The following FCMR variants were observed in gnomAD, a reference collection of about 807,000 sequenced individuals.
The protein encoded by FCMR is Fc mu receptor.
A neutral mutation model predicts 41.6 loss-of-function variants in FCMR; 34 were observed. The observed-to-expected ratio is 0.82, with a 90% CI of 0.62 to 1.09. The LOEUF (loss-of-function observed/expected upper bound fraction) is 1.09. Ranked by LOEUF, FCMR falls within the 50% of genes least tolerant of loss-of-function variation. The probability of loss-of-function intolerance (pLI) is 0.00; values close to 1 mark genes in which losing one functional copy is unlikely to be tolerated. For synonymous variants in FCMR, 209 were observed against 211.8 expected, an observed-to-expected ratio of 0.99 and a Z score of 0.12; for missense variants, 496 against 512.5, an observed-to-expected ratio of 0.97 and a Z score of 0.31.
intron 7 of FCMR, 142 bp from the exon 8 acceptor site, chr1:206,905,289 A>G: frequency 1.1e-6 from 1 of 883,178 alleles, no homozygotes; most frequent in Non-Finnish European, 1.7e-6. Flanking sequence ...GCTCAGCTCC[A>G]TCAAGTGGAG....
In FCMR at chr1:206,909,468, C is replaced by T; in HGVS notation, c.1038G>A (p.Pro346=). 1 of 1,279,720 alleles carries T rather than the reference C, an allele frequency of 7.8e-7. No individual in the cohort carries two copies. 79.3% of individuals were successfully genotyped at this position (1,279,720 alleles called of 1,614,324 possible). A position where few individuals can be genotyped will look rare whatever the true frequency, so the allele number is the denominator to read the frequency against. Residue 346 remains proline (P), a synonymous_variant, in exon 7 of 8, where the codon CCG becomes CCA. Coordinates refer to ENST00000367091, the MANE Select transcript of FCMR (RefSeq NM_005449.5). The surrounding 1 kb of genome is among the most constrained non-coding windows in gnomAD (Gnocchi z 5.0). ...GGGCAGGAGCGGAGCTTACCTGCAG[C>T]GGGGCGGGGGGCAACGGCGCTCCGG... The part of the protein sequence containing the change: ...PGPGAPLPPA[P]LQVSESPWLH...
intron 1 of FCMR, 50 bp from the exon 2 acceptor site, chr1:206,914,144 C>A (rs1395699744): frequency 7.0e-7 from 1 of 1,426,314 alleles, no homozygotes. Flanking sequence ...CTAACTATAT[C>A]CCAGCCCCAT....
chr1:206,913,583 G>T (rs1246409289), intron 2 of FCMR, 176 bp downstream of exon 2: 3 of 608,656 alleles, frequency 4.9e-6, no homozygotes, highest in Non-Finnish European at 8.7e-6. Flanking sequence ...GTAGAAAATT[G>T]TGTGGACCAT....
chr1:206,907,970 TG>T, intron 7 of FCMR: 1 of 1,446,150 alleles, frequency 6.9e-7, no homozygotes, highest in Non-Finnish European at 9.7e-7. Flanking sequence ...AAAAAGCGGA[TG>T]GTGGTTCCTG....
At chr1:206,910,371 G>A in intron 4 of FCMR, 31 bp from the exon 5 acceptor site, 1 of 1,495,772 alleles carries the variant, frequency 6.7e-7, no homozygotes, top group Non-Finnish European at 8.9e-7. Flanking sequence ...AGAGAGGGAG[G>A]AAGAGATTAT....
rs888811552 is a variant in FCMR, at chr1:206,907,790, C to G, written c.1044+1672G>C. 6 of 1,367,244 alleles carry G rather than the reference C, an allele frequency of 4.4e-6. No homozygotes were observed. The Admixed American group carries it at 5.1e-5, about 12-fold the overall frequency. 84.7% of individuals were successfully genotyped at this position (1,367,244 alleles called of 1,614,324 possible). On this transcript the variant is annotated intron_variant, in intron 7 of 7. Coordinates refer to ENST00000367091, the MANE Select transcript of FCMR (RefSeq NM_005449.5). ...AAACAAGTTGAAGTACCTGGCTTTC[C>G]CCCGCAAGCGGATGAACACCAACCC...
chr1:206,917,952 G>T (rs971726260), intron 1 of FCMR: 20 of 385,446 alleles, frequency 5.2e-5, no homozygotes, highest in Non-Finnish European at 9.1e-5. Context: ...GTTGACCTTT[G>T]CCTCCCCTTC....
intron 4 of FCMR, 118 bp downstream of exon 4, chr1:206,911,612 A>G (rs1333706740): frequency 2.2e-6 from 2 of 908,418 alleles, no homozygotes; most frequent in Non-Finnish European, 1.8e-6. Context: ...TAGGTGGTAT[A>G]TTTCACAGTG....
intron 4 of FCMR, among the ~76,000 whole-genome samples, chr1:206,910,962 T>C (rs1678914152): frequency 6.6e-6 from 1 of 152,230 alleles, no homozygotes; most frequent in Non-Finnish European, 1.5e-5. Flanking sequence ...GTCAGACTTA[T>C]GTTAGTAAGA....
At chr1:206,906,376 G>C (rs1328829965) in intron 7 of FCMR, 1 of 193,934 alleles carries the variant, frequency 5.2e-6, no homozygotes, top group Non-Finnish European at 1.1e-5. Flanking sequence ...AAGAGGATGA[G>C]GCAGAGGAAA....
intron 1 of FCMR, chr1:206,917,786 G>C: frequency 2.2e-6 from 1 of 450,018 alleles, no homozygotes; most frequent in South Asian, 1.6e-5. Flanking sequence ...GCCACCATGT[G>C]TGGCGAATTT....
chr1:206,915,312 C>T (rs1196285199), intron 1 of FCMR, among the ~76,000 whole-genome samples: 4 of 151,948 alleles, frequency 2.6e-5, no homozygotes, highest in East Asian at 1.9e-4. Flanking sequence ...GTGGCGTGGT[C>T]GGAGGAGGGC....
chr1:206,915,175 C>T (rs1446169167), intron 1 of FCMR, among the ~76,000 whole-genome samples: 1 of 152,182 alleles, frequency 6.6e-6, no homozygotes, highest in Non-Finnish European at 1.5e-5. Context: ...CTCCCTCAGT[C>T]ACAGATCATT....
At chr1:206,913,083 G>A (rs1353447303) in intron 2 of FCMR, 41 bp from the exon 3 acceptor site, 23 of 1,475,130 alleles carry the variant, frequency 1.6e-5, no homozygotes, top group Non-Finnish European at 2.2e-5. Flanking sequence ...TCTCTAGGGG[G>A]AGACTGAGGC....
chr1:206,921,317 C>A, intron 1 of FCMR: 2 of 353,260 alleles, frequency 5.7e-6, no homozygotes, highest in Non-Finnish European at 1.2e-5. Context: ...GAGTTAACAC[C>A]TGGCTGGGCA....
At chr1:206,907,926 G>T (rs1448852746) in intron 7 of FCMR, 2 of 1,257,452 alleles carry the variant, frequency 1.6e-6, no homozygotes, top group African/African-American at 1.5e-5. Context: ...ACCACCTCAA[G>T]GTGTTTGACG....
intron 4 of FCMR, 86 bp from the exon 5 acceptor site, chr1:206,910,426 T>C: frequency 9.0e-7 from 1 of 1,117,114 alleles, no homozygotes; most frequent in South Asian, 2.2e-5. Flanking sequence ...GCCAACGTTT[T>C]TGGAGATGAC....
At chr1:206,917,770 G>T in intron 1 of FCMR, 1 of 451,676 alleles carries the variant, frequency 2.2e-6, no homozygotes, top group Non-Finnish European at 4.4e-6. Flanking sequence ...GAGATCACAG[G>T]CGCCTGCCAC....
At chr1:206,914,436 T>C (rs1355598489) in intron 1 of FCMR, among the ~76,000 whole-genome samples, 2 of 139,428 alleles carry the variant, frequency 1.4e-5, no homozygotes, top group South Asian at 2.2e-4. Context: ...TCCTTTCTTT[T>C]CTTTTTTTTT....
Sources: gnomAD v4.1 joint callset for allele counts (sites outside exome capture counted in the v4.1 genomes callset) on GRCh38, gnomAD v4.1.1 for gene constraint, Gnocchi (gnomAD v3.1) non-coding constraint, MANE v1.5 for transcripts, NCBI Gene and HGNC (gene_info 2026-07-23, HGNC 2026-07-21) for gene names.